ZNF420: variants seen among roughly 807,000 people sequenced by gnomAD.
ZNF420 encodes zinc finger protein 420, also known as ATM and p53-associated KZNF protein.
In ZNF420, 31 loss-of-function variants were observed where a neutral mutation model predicts 44.7. The observed-to-expected ratio is 0.69, with a 90% confidence interval of 0.52 to 0.94. The LOEUF (loss-of-function observed/expected upper bound fraction) is 0.94, where lower values mean the gene tolerates loss of function less well. ZNF420 is among the 40% of genes least tolerant of loss of function. The pLI is 0.00. For missense variants in ZNF420, 681 were observed against 827.9 expected (o/e 0.82, Z 2.18); for synonymous variants, 245 against 267.4 (o/e 0.92, Z 0.82).
chr19:37,018,426 T>TC (rs2074623063), intron 1 of ZNF420, among the ~76,000 whole-genome samples: 1 of 151,956 alleles, frequency 6.6e-6, no homozygotes, highest in African/African-American at 2.4e-5. Context: ...AATCAAAGAG[T>TC]CCAATATTAA....
chr19:37,044,548 A>G (rs890487523), intron 1 of ZNF420, among the ~76,000 whole-genome samples: 1 of 152,080 alleles, frequency 6.6e-6, no homozygotes, highest in Admixed American at 6.6e-5. Context: ...ACCCCCAAGC[A>G]CACTGCTACT....
intron 4 of ZNF420, chr19:37,108,204 G>A (rs1219052626): frequency 6.6e-6 from 1 of 152,216 alleles, no homozygotes; most frequent in Non-Finnish European, 1.5e-5. Flanking sequence ...AGCGGCTGTA[G>A]TTGTGACTGC....
intron 1 of ZNF420, among the ~76,000 whole-genome samples, chr19:37,012,866 T>C (rs2074582398): frequency 7.1e-6 from 1 of 140,036 alleles, no homozygotes; most frequent in Non-Finnish European, 1.7e-5. Flanking sequence ...TCTTACTTTC[T>C]TTGTCTGTGC....
At chr19:37,065,527 G>A (rs567171991) in intron 1 of ZNF420, among the ~76,000 whole-genome samples, 2 of 152,364 alleles carry the variant, frequency 1.3e-5, no homozygotes, top group African/African-American at 2.4e-5. Flanking sequence ...GCCTCTTGAA[G>A]CTGGGAATGG....
chr19:37,011,688 C>G (rs2074570170), intron 1 of ZNF420, among the ~76,000 whole-genome samples: 1 of 152,124 alleles, frequency 6.6e-6, no homozygotes, highest in African/African-American at 2.4e-5. Context: ...TTGGGGAGGT[C>G]ACCTGTGCCC....
intron 1 of ZNF420, among the ~76,000 whole-genome samples, chr19:37,066,716 T>C (rs555380225): frequency 6.6e-6 from 1 of 152,352 alleles, no homozygotes; most frequent in Admixed American, 6.5e-5. Flanking sequence ...TGCAATCCCT[T>C]TGGGTATGGT....
chr19:37,122,427 C>A (rs1055348073), intron 4 of ZNF420, among the ~76,000 whole-genome samples: 1 of 143,992 alleles, frequency 6.9e-6, no homozygotes. Context: ...AACACAGGGA[C>A]ACAGGAAGGG....
intron 1 of ZNF420, among the ~76,000 whole-genome samples, chr19:37,034,738 C>T (rs1191277704): frequency 2.0e-5 from 3 of 152,166 alleles, no homozygotes; most frequent in Admixed American, 6.5e-5. Context: ...AGAGTGGGCT[C>T]AATATGCCAG....
At chr19:37,087,036 T>C (rs968973758) in intron 2 of ZNF420, among the ~76,000 whole-genome samples, 1 of 151,956 alleles carries the variant, frequency 6.6e-6, no homozygotes, top group Admixed American at 6.6e-5. Context: ...TATAATCCCA[T>C]CACTTTGGGA....
rs1434094097 is a variant in ZNF420 at position 37,128,385 on chromosome 19, A to G, written c.1394A>G (p.His465Arg). Residue 465 changes from histidine (H) to arginine (R), a missense_variant, in exon 5 of 5, where the codon CAT (histidine) becomes CGT (arginine). Physicochemically the swap from His to Arg is conservative, Grantham distance 29 (BLOSUM62 0). This residue lies in a region of ZNF420 where 280 missense variants were observed against 338.6 expected (regional missense o/e 0.83). Transcript: ENST00000337995. ...AGTCGTGGCTCAGAACTTACTCAACATGAGCGAATTCACACAGGTGAGAAA... is the reference window on the plus strand; with the variant it reads ...AGTCGTGGCTCAGAACTTACTCAACGTGAGCGAATTCACACAGGTGAGAAA... Reference protein sequence around the residue: ...TFSRGSELTQHERIHTGEKPY... With the variant: ...TFSRGSELTQRERIHTGEKPY... 6.2e-7 allele frequency: 1 copy of G among 1,613,984 alleles called. No individual in the cohort carries two copies. Among genetic ancestry groups the G allele is most frequent in the Non-Finnish European group, 8.5e-7 (1 of 1,179,994 alleles).
chr19:37,090,874 C>T lies in ZNF420; in HGVS notation c.10-121C>T, dbSNP rs145384943. 4,282 of 979,272 alleles carry T rather than the reference C, an allele frequency of 4.4e-3. 129 individuals carry two copies. The African/African-American group carries it at 0.066, about 15-fold the overall frequency. The allele number at this position is 979,272 out of a possible 1,614,324, so 60.7% of individuals were successfully genotyped here. A position where few individuals can be genotyped will look rare whatever the true frequency, so the allele number is the denominator to read the frequency against. ...GGCGGAGGTTGCAGCGTGCCGAGATCGCGCCACTGCACTCCAGCCTGAGCG... is the reference window on the plus strand; with the variant it reads ...GGCGGAGGTTGCAGCGTGCCGAGATTGCGCCACTGCACTCCAGCCTGAGCG... On this transcript the variant is annotated intron_variant, in intron 3 of 4. Transcript: ENST00000337995.
chr19:37,095,698 AAGCG>A (rs1457414611), intron 4 of ZNF420, among the ~76,000 whole-genome samples: 11 of 152,208 alleles, frequency 7.2e-5, no homozygotes, highest in Non-Finnish European at 1.5e-5. Flanking sequence ...TCCCAGGTTC[AAGCG>A]ATTCTCCTAC....
intron 1 of ZNF420, among the ~76,000 whole-genome samples, chr19:37,030,130 G>A (rs2146395720): frequency 6.6e-6 from 1 of 152,046 alleles, no homozygotes; most frequent in East Asian, 1.9e-4. Context: ...TTTCTCACTG[G>A]TAATCACTGT....
At chr19:37,025,126 A>G in intron 1 of ZNF420, 1 of 353,536 alleles carries the variant, frequency 2.8e-6, no homozygotes, top group Non-Finnish European at 5.0e-6. Context: ...GTCACATTCC[A>G]AACATTTATA....
chr19:37,111,174 G>A (rs938509250), intron 4 of ZNF420, among the ~76,000 whole-genome samples: 4 of 152,164 alleles, frequency 2.6e-5, no homozygotes, highest in African/African-American at 9.7e-5. Context: ...AAAATGTGCA[G>A]TAGCAAAAAT....
At chr19:37,086,133 C>A (rs1356392570) in intron 2 of ZNF420, among the ~76,000 whole-genome samples, 1 of 151,880 alleles carries the variant, frequency 6.6e-6, no homozygotes, top group African/African-American at 2.4e-5. Flanking sequence ...CACTCTTAGC[C>A]CTTCCCTTGT....
At chr19:37,087,178 C>T (rs553468581) in intron 2 of ZNF420, among the ~76,000 whole-genome samples, 2 of 151,546 alleles carry the variant, frequency 1.3e-5, no homozygotes, top group Non-Finnish European at 1.5e-5. Context: ...CTAGCTACTT[C>T]GAAGGCTGAG....
chr19:37,042,229 C>T (rs1220370899), intron 1 of ZNF420, among the ~76,000 whole-genome samples: 1 of 152,194 alleles, frequency 6.6e-6, no homozygotes, highest in African/African-American at 2.4e-5. Context: ...GAACTCCTGA[C>T]CTTGTGATCC....
chr19:37,105,874 T>C (rs1970049949), intron 4 of ZNF420, among the ~76,000 whole-genome samples: 1 of 152,344 alleles, frequency 6.6e-6, no homozygotes, highest in East Asian at 1.9e-4. Context: ...TTTTTGCACA[T>C]TGATTTTGTA....
Sources: allele counts gnomAD v4.1 joint callset (sites outside exome capture counted in the v4.1 genomes callset), GRCh38; gene constraint gnomAD v4.1.1; regional missense constraint gnomAD v4.1.1; transcripts MANE v1.5; gene names NCBI Gene and HGNC (gene_info 2026-07-23, HGNC 2026-07-21).